The following GNE variants were observed in gnomAD, a reference collection of about 807,000 sequenced individuals.
The protein encoded by GNE is bifunctional UDP-N-acetylglucosamine 2-epimerase/N-acetylmannosamine kinase.
Under a neutral mutation model 61.8 loss-of-function variants are expected in GNE, and 41 were observed. The observed-to-expected ratio is 0.66, with a 90% CI of 0.52 to 0.86. The LOEUF (loss-of-function observed/expected upper bound fraction) is 0.86. Among genes scored for constraint, GNE ranks in the 40% least tolerant of loss-of-function variants. GNE has a pLI of 0.00. For synonymous variants in GNE, 264 were observed against 326.4 expected, an observed-to-expected ratio of 0.81 and a Z score of 2.06; for missense variants, 608 against 909.1, an observed-to-expected ratio of 0.67 and a Z score of 4.26.
intron 9 of GNE, among the ~76,000 whole-genome samples, chr9:36,222,398 G>A (rs1356873901): frequency 1.5e-5 from 2 of 134,900 alleles, no homozygotes; most frequent in South Asian, 2.4e-4. Context: ...CAGCCTGGGC[G>A]ACAGAGCGAG....
chr9:36,253,949 G>C (rs1372888726), intron 1 of GNE, among the ~76,000 whole-genome samples: 1 of 151,978 alleles, frequency 6.6e-6, no homozygotes, highest in East Asian at 1.9e-4. Context: ...TGGCAGGAGA[G>C]TTGCTTGAAC....
upstream of GNE, among the ~76,000 whole-genome samples, chr9:36,258,927 A>G (rs1830515511): frequency 6.6e-6 from 1 of 152,146 alleles, no homozygotes; most frequent in Non-Finnish European, 1.5e-5. Context: ...TGAATTGATG[A>G]CCAAGGCATG....
chr9:36,269,298 G>T (rs1417690985), intron 1 of GNE, among the ~76,000 whole-genome samples: 1 of 151,012 alleles, frequency 6.6e-6, no homozygotes, highest in South Asian at 2.1e-4. Flanking sequence ...CTTATGATTA[G>T]CTCCTGCCCC....
Position 36,216,326 on chromosome 9 carries a change from G to GATGTGTGTGTGTGTGTGTGTGT in GNE, c.*1017_*1038dup. On this transcript the variant is annotated 3_prime_UTR_variant, in exon 12 of 12. Transcript: ENST00000642385. ...CTTAGTTTGGGGTTAGAGGAGGAAG[G>GATGTGTGTGTGTGTGTGTGTGT]ATGTGTGTGTGTGTGTGTGTGTGTG... The GATGTGTGTGTGTGTGTGTGTGT allele has an allele frequency of 5.1e-6, 1 of 196,388 alleles. No individual in the cohort carries two copies. Among genetic ancestry groups the GATGTGTGTGTGTGTGTGTGTGT allele is most frequent in the Non-Finnish European group, 1.0e-5 (1 of 96,438 alleles). 12.2% of individuals were successfully genotyped at this position (196,388 alleles called of 1,614,324 possible).
upstream of GNE, among the ~76,000 whole-genome samples, chr9:36,258,975 G>A (rs544711370): frequency 1.4e-4 from 21 of 152,264 alleles, no homozygotes; most frequent in African/African-American, 4.8e-4. Context: ...GTTCAGCGGC[G>A]GCCTCCACTA....
At chr9:36,271,921 A>G (rs1675756726) in intron 1 of GNE, among the ~76,000 whole-genome samples, 1 of 152,190 alleles carries the variant, frequency 6.6e-6, no homozygotes, top group Non-Finnish European at 1.5e-5. Flanking sequence ...AAACACAGTC[A>G]ATAAACATTC....
rs1040442908 is a variant in GNE at position 36,258,312 on chromosome 9, G to C, written c.-43+9C>G. ...CTCCCGGAGTCCCACGCCGCCGCGC[G>C]GCTCTCACCAGACGCCGTCAGAGGC... On this transcript the variant is annotated intron_variant, in intron 1 of 11. Transcript: ENST00000642385. The C allele has an allele frequency of 1.0e-6, 1 of 985,064 alleles. No homozygotes were observed. Among genetic ancestry groups the C allele is most frequent in the Non-Finnish European group, 1.2e-6 (1 of 829,648 alleles). 61.0% of individuals were successfully genotyped at this position (985,064 alleles called of 1,614,324 possible).
chr9:36,219,780 A>G, intron 10 of GNE, 58 bp downstream of exon 10: 1 of 1,453,566 alleles, frequency 6.9e-7, no homozygotes, highest in Non-Finnish European at 9.7e-7. Context: ...TGGAATTTCC[A>G]CTTTGAAGTA....
At chr9:36,228,995 C>G (rs1487282093) in intron 6 of GNE, 26 bp downstream of exon 6, 1 of 1,287,440 alleles carries the variant, frequency 7.8e-7, no homozygotes. Context: ...TTTTAAATCA[C>G]TCAACAAAGA....
At chr9:36,247,095 C>T (rs919096507) in intron 2 of GNE, among the ~76,000 whole-genome samples, 15 of 149,528 alleles carry the variant, frequency 1.0e-4, no homozygotes, top group East Asian at 2.0e-4. Flanking sequence ...CTCGCTCTGT[C>T]GCCCAGGCTG....
At chr9:36,264,481 A>G (rs1379111182) in intron 1 of GNE, among the ~76,000 whole-genome samples, 1 of 152,118 alleles carries the variant, frequency 6.6e-6, no homozygotes. Flanking sequence ...CATTCAGAAG[A>G]TACTAACAGT....
chr9:36,252,708 A>G (rs952845777), intron 1 of GNE, among the ~76,000 whole-genome samples: 5 of 152,206 alleles, frequency 3.3e-5, no homozygotes, highest in African/African-American at 1.2e-4. Flanking sequence ...AATTTTAATT[A>G]ACTAAATTTT....
intron 6 of GNE, 43 bp downstream of exon 6, chr9:36,228,978 G>T: frequency 2.9e-6 from 3 of 1,045,862 alleles, no homozygotes; most frequent in Admixed American, 3.4e-5. Context: ...ACTGAAGGTA[G>T]CTCCCCTTTT....
At chr9:36,260,536 A>G (rs1317339613), upstream of GNE, among the ~76,000 whole-genome samples, 1 of 152,194 alleles carries the variant, frequency 6.6e-6, no homozygotes, top group Non-Finnish European at 1.5e-5. Context: ...TTAGTTTCAC[A>G]TATGCTGTAA....
chr9:36,217,450 T>G lies in GNE; in HGVS notation c.2084A>C (p.Asp695Ala), dbSNP rs1342081350. Residue 695 changes from aspartate to alanine, a missense_variant, in exon 12 of 12, where the codon GAT becomes GCT. By Grantham distance (126) the Asp-to-Ala change is moderately radical. Transcript: ENST00000642385. Reference sequence around the variant, plus strand: ...GTCAACCAAATCCGAAACCACCACATCCACGTCCTGCACGGAGGACAAGGC... The same window carrying G: ...GTCAACCAAATCCGAAACCACCACAGCCACGTCCTGCACGGAGGACAAGGC... ...QQALSSVQDV[D>A]VVVSDLVDPA... The G allele has an allele frequency of 6.2e-6, 10 of 1,614,048 alleles. No homozygotes were observed. Among genetic ancestry groups the G allele is most frequent in the Non-Finnish European group, 6.8e-6 (8 of 1,179,994 alleles).
At chr9:36,219,533 C>A (rs1828489431) in intron 10 of GNE, among the ~76,000 whole-genome samples, 1 of 152,168 alleles carries the variant, frequency 6.6e-6, no homozygotes, top group South Asian at 2.1e-4. Flanking sequence ...CCATTTATTT[C>A]TTCATTAAAA....
chr9:36,240,632 C>A (rs1829596414), intron 3 of GNE, among the ~76,000 whole-genome samples: 1 of 151,890 alleles, frequency 6.6e-6, no homozygotes, highest in South Asian at 2.1e-4. Flanking sequence ...TATGTCCTTT[C>A]CTGGTTTTGG....
At chr9:36,247,233 T>A (rs1035115297) in intron 2 of GNE, among the ~76,000 whole-genome samples, 5 of 151,974 alleles carry the variant, frequency 3.3e-5, no homozygotes, top group African/African-American at 1.2e-4. Context: ...ATTTTTGTAT[T>A]TTTAGTAGAG....
In GNE at chr9:36,246,018, C is replaced by CT. The variant is rs1422669896; in HGVS notation, c.616+12dup. On this transcript the variant is annotated intron_variant, in intron 3 of 11. Coordinates refer to ENST00000642385, the MANE Select transcript of GNE (RefSeq NM_005476.7). ...AAACAGCCATTAGACTGACTAAAGT[C>CT]TGAGATACGTACCTAGCCACATGCG... The CT allele has an allele frequency of 1.2e-6, 2 of 1,604,784 alleles. No homozygotes were observed. Among genetic ancestry groups the CT allele is most frequent in the African/African-American group, 2.7e-5 (2 of 74,740 alleles).
Sources: gnomAD v4.1 joint callset for allele counts (sites outside exome capture counted in the v4.1 genomes callset) on GRCh38, gnomAD v4.1.1 for gene constraint, MANE v1.5 for transcripts, NCBI Gene and HGNC (gene_info 2026-07-23, HGNC 2026-07-21) for gene names.